CFAP61: variants seen among roughly 807,000 people sequenced by gnomAD.
The protein encoded by CFAP61 is cilia- and flagella-associated protein 61.
Under a neutral mutation model 135.6 loss-of-function variants are expected in CFAP61, and 107 were observed. The observed-to-expected ratio is 0.79, with a 90% CI of 0.67 to 0.93. The LOEUF is 0.93. Among genes scored for constraint, CFAP61 ranks in the 40% least tolerant of loss-of-function variants. CFAP61 has a pLI of 0.00. For synonymous variants in CFAP61, 575 were observed against 578.5 expected (o/e 0.99, Z 0.09); for missense variants, 1,507 against 1,556.2 (o/e 0.97, Z 0.53).
intron 22 of CFAP61, among the ~76,000 whole-genome samples, chr20:20,285,280 G>GTTTTTTTTTTTTTTTTATTTT: frequency 7.0e-6 from 1 of 143,568 alleles, no homozygotes; most frequent in Non-Finnish European, 1.5e-5. Flanking sequence ...AGCATGGTTT[G>GTTTTTTTTTTTTTTTTATTTT]TTTTTTTTGT....
chr20:20,212,015 C>T (rs1378767835), intron 17 of CFAP61, among the ~76,000 whole-genome samples: 2 of 152,138 alleles, frequency 1.3e-5, no homozygotes, highest in Non-Finnish European at 2.9e-5. Context: ...GAGCAGGTCC[C>T]AAAGATGGGC....
chr20:20,269,431 G>T (rs2053162552), intron 21 of CFAP61, among the ~76,000 whole-genome samples: 1 of 151,804 alleles, frequency 6.6e-6, no homozygotes, highest in African/African-American at 2.4e-5. Flanking sequence ...GAGTGCAGTG[G>T]TGCAATCTAG....
chr20:20,322,056 A>G (rs1201420682), intron 25 of CFAP61, among the ~76,000 whole-genome samples: 2 of 152,070 alleles, frequency 1.3e-5, no homozygotes, highest in African/African-American at 4.8e-5. Context: ...TGGACAGGCC[A>G]TACAGGCACT....
At chr20:20,299,013 G>C (rs2055859933) in intron 25 of CFAP61, among the ~76,000 whole-genome samples, 1 of 152,184 alleles carries the variant, frequency 6.6e-6, no homozygotes, top group African/African-American at 2.4e-5. Context: ...AAAGTTAGGA[G>C]ACTTTCCCTA....
Position 20,360,415 on chromosome 20 carries a change from A to T in CFAP61, c.*5A>T. ...GCGTGGCCAGGCATCGTTTAGTTGT[A>T]GGCAGGGTCTCCCCTTTATGGTTTT... On this transcript the variant is annotated 3_prime_UTR_variant, in exon 27 of 27. Transcript: ENST00000245957. 6.2e-6 allele frequency: 10 copies of T among 1,613,170 alleles called. No homozygotes were observed. The highest frequency in any genetic ancestry group is 8.5e-6 in the Non-Finnish European group (10 of 1,179,536).
At chr20:20,079,054 G>A (rs1313245289) in intron 6 of CFAP61, among the ~76,000 whole-genome samples, 2 of 152,186 alleles carry the variant, frequency 1.3e-5, no homozygotes, top group East Asian at 3.9e-4. Flanking sequence ...AGAAAAAATA[G>A]GTAACTTGGA....
intron 8 of CFAP61, among the ~76,000 whole-genome samples, chr20:20,103,331 A>G (rs1274012618): frequency 3.3e-5 from 5 of 152,208 alleles, no homozygotes; most frequent in Non-Finnish European, 7.3e-5. Context: ...TTGCATGTAT[A>G]ACCTATTACA....
At chr20:20,296,675 A>G (rs2055653787) in intron 24 of CFAP61, among the ~76,000 whole-genome samples, 1 of 152,214 alleles carries the variant, frequency 6.6e-6, no homozygotes, top group South Asian at 2.1e-4. Flanking sequence ...AGGATAAACA[A>G]TAAAAATGAC....
chr20:20,172,327 T>G, intron 13 of CFAP61: 1 of 958,906 alleles, frequency 1.0e-6, no homozygotes, highest in South Asian at 4.8e-5. Context: ...ATAAACTTTT[T>G]TTTTTTTGAG....
At chr20:20,052,680 G>A (rs1290028459) in intron 1 of CFAP61, 89 bp downstream of exon 1, 1 of 1,613,068 alleles carries the variant, frequency 6.2e-7, no homozygotes, top group Non-Finnish European at 8.5e-7. Context: ...CCGGAACTGG[G>A]ATGACCAGGC....
At chr20:20,313,371 T>G (rs2056937848) in intron 25 of CFAP61, among the ~76,000 whole-genome samples, 1 of 152,224 alleles carries the variant, frequency 6.6e-6, no homozygotes, top group South Asian at 2.1e-4. Context: ...CATTTTGTTA[T>G]GTCAGCCTGA....
chr20:20,295,607 T>G (rs1245580650), intron 24 of CFAP61, among the ~76,000 whole-genome samples: 1 of 152,228 alleles, frequency 6.6e-6, no homozygotes, highest in Non-Finnish European at 1.5e-5. Context: ...AAGTCTTGTG[T>G]TTAATTTAGA....
At chr20:20,253,106 G>A (rs573717573) in intron 20 of CFAP61, among the ~76,000 whole-genome samples, 15 of 152,276 alleles carry the variant, frequency 9.9e-5, no homozygotes, top group African/African-American at 3.6e-4. Flanking sequence ...TGCAGATTAG[G>A]AGCAGGAGGC....
chr20:20,204,445 G>A (rs1050127629), intron 17 of CFAP61, among the ~76,000 whole-genome samples: 2 of 152,110 alleles, frequency 1.3e-5, no homozygotes, highest in African/African-American at 2.4e-5. Flanking sequence ...GTCACTCACT[G>A]GCATTCAGTT....
chr20:20,216,590 T>C (rs2048053025), intron 17 of CFAP61, among the ~76,000 whole-genome samples: 1 of 152,244 alleles, frequency 6.6e-6, no homozygotes, highest in Non-Finnish European at 1.5e-5. Context: ...CCTTTTGTGC[T>C]GATTAATTAC....
intron 22 of CFAP61, among the ~76,000 whole-genome samples, chr20:20,284,784 C>T (rs1310995235): frequency 2.0e-5 from 3 of 152,204 alleles, no homozygotes; most frequent in African/African-American, 7.2e-5. Flanking sequence ...CTTACATCTA[C>T]AAACACTGCA....
intron 25 of CFAP61, among the ~76,000 whole-genome samples, chr20:20,336,980 G>C (rs1272035824): frequency 6.6e-6 from 1 of 152,222 alleles, no homozygotes; most frequent in Non-Finnish European, 1.5e-5. Context: ...TTTGACACAG[G>C]CGTGAGGGCC....
intron 8 of CFAP61, among the ~76,000 whole-genome samples, chr20:20,128,876 C>G (rs923022687): frequency 1.3e-5 from 2 of 151,454 alleles, no homozygotes; most frequent in Non-Finnish European, 2.9e-5. Flanking sequence ...AAAATAAAAT[C>G]AAAGAAAAAT....
intron 18 of CFAP61, among the ~76,000 whole-genome samples, chr20:20,234,431 G>T (rs117414005): frequency 0.015 from 2,297 of 152,274 alleles, 31 homozygotes; most frequent in Non-Finnish European, 0.022. Context: ...CTTTGGCATA[G>T]ACGATGATGG....
Sources: allele counts gnomAD v4.1 joint callset (sites outside exome capture counted in the v4.1 genomes callset), GRCh38; gene constraint gnomAD v4.1.1; transcripts MANE v1.5; gene names NCBI Gene and HGNC (gene_info 2026-07-23, HGNC 2026-07-21).